RASGRF2: variants seen among roughly 807,000 people sequenced by gnomAD.
The protein encoded by RASGRF2 is Ras protein specific guanine nucleotide releasing factor 2.
A neutral mutation model predicts 151.0 loss-of-function variants in RASGRF2; 76 were observed. That is an observed-to-expected ratio of 0.50 (90% CI 0.42 to 0.61). RASGRF2 has a LOEUF of 0.61. Among genes scored for constraint, RASGRF2 ranks in the 20% least tolerant of loss-of-function variants. RASGRF2 has a pLI of 0.00. For synonymous variants in RASGRF2, 504 were observed against 566.5 expected, an observed-to-expected ratio of 0.89 and a Z score of 1.57; for missense variants, 1,148 against 1,564.6, an observed-to-expected ratio of 0.73 and a Z score of 4.49.
At chr5:80,974,501 CA>C (rs1299702233) in intron 1 of RASGRF2, among the ~76,000 whole-genome samples, 1 of 152,216 alleles carries the variant, frequency 6.6e-6, no homozygotes, top group Non-Finnish European at 1.5e-5. Flanking sequence ...GCCAGGGCCT[CA>C]TTGAGCCAGT....
chr5:81,087,556 T>C, intron 9 of RASGRF2: 3 of 580,464 alleles, frequency 5.2e-6, no homozygotes, highest in Non-Finnish European at 9.2e-6. Flanking sequence ...AAATTAAGCT[T>C]TTGAAGAGTT....
intron 17 of RASGRF2, among the ~76,000 whole-genome samples, chr5:81,177,330 G>A (rs978750789): frequency 3.3e-5 from 5 of 151,986 alleles, no homozygotes; most frequent in African/African-American, 1.2e-4. Flanking sequence ...GAATTAAAAT[G>A]TCCACTGGTG....
At chr5:81,078,988 T>C (rs996937594) in intron 5 of RASGRF2, among the ~76,000 whole-genome samples, 2 of 152,204 alleles carry the variant, frequency 1.3e-5, no homozygotes, top group African/African-American at 4.8e-5. Flanking sequence ...TCCCAGAAAC[T>C]AGAATCCTAA....
intron 1 of RASGRF2, among the ~76,000 whole-genome samples, chr5:81,016,565 T>G (rs1212437005): frequency 3.3e-5 from 5 of 152,218 alleles, no homozygotes. Context: ...TTTCCTGTTG[T>G]GGGAGAAAAC....
chr5:81,134,879 G>C (rs916360234), intron 17 of RASGRF2, among the ~76,000 whole-genome samples: 19 of 151,826 alleles, frequency 1.3e-4, no homozygotes, highest in African/African-American at 4.6e-4. Context: ...AGGTTGCCTA[G>C]AGTTCTGCAT....
intron 2 of RASGRF2, among the ~76,000 whole-genome samples, chr5:81,043,753 G>A (rs985841326): frequency 6.6e-6 from 1 of 152,054 alleles, no homozygotes; most frequent in African/African-American, 2.4e-5. Context: ...CTCATCTCTT[G>A]GGTATTTTGG....
chr5:81,032,227 G>A (rs1750281916), intron 1 of RASGRF2, among the ~76,000 whole-genome samples: 1 of 152,144 alleles, frequency 6.6e-6, no homozygotes, highest in African/African-American at 2.4e-5. Flanking sequence ...GGTACAAAGA[G>A]GAGATGGTAC....
rs772936233 is a variant in RASGRF2, at chr5:81,212,418, G to A, written c.3209G>A (p.Arg1070His). ...ATGAACTATGCTGATGTCAGCTCCC[G>A]TGCCAACGCCATCGAGAAATGGGTG... ...QIMNYADVSS[R>H]ANAIEKWVAV... The change falls in exon 23 of 27, where the codon CGT (arginine) becomes CAT (histidine). Residue 1070 changes from arginine (R) to histidine (H), a missense_variant. Physicochemically the swap from Arg to His is conservative, Grantham distance 29. This residue lies in a region of RASGRF2 where 646 missense variants were observed against 807.4 expected (regional missense o/e 0.80). Transcript: ENST00000265080. 6 of 1,613,878 alleles carry A rather than the reference G, an allele frequency of 3.7e-6. No individual in the cohort carries two copies. The highest frequency in any genetic ancestry group is 1.1e-5 in the South Asian group (1 of 91,034).
intron 17 of RASGRF2, among the ~76,000 whole-genome samples, chr5:81,133,540 G>T (rs1166612983): frequency 1.3e-5 from 2 of 152,192 alleles, no homozygotes; most frequent in Non-Finnish European, 2.9e-5. Flanking sequence ...GCACATCATT[G>T]CACTTACTAT....
chr5:81,022,363 GACCCTTTCTTT>G (rs1749858771), intron 1 of RASGRF2, among the ~76,000 whole-genome samples: 1 of 152,182 alleles, frequency 6.6e-6, no homozygotes, highest in African/African-American at 2.4e-5. Context: ...GCTCTGGATA[GACCCTTTCTTT>G]ACCTAACTGC....
intron 18 of RASGRF2, among the ~76,000 whole-genome samples, chr5:81,182,524 C>T (rs1010072817): frequency 6.6e-6 from 1 of 152,106 alleles, no homozygotes; most frequent in Non-Finnish European, 1.5e-5. Flanking sequence ...GCTTTAGTGT[C>T]CAGATTCCCT....
chr5:81,117,719 A>G (rs1457087976), intron 15 of RASGRF2, among the ~76,000 whole-genome samples: 1 of 152,166 alleles, frequency 6.6e-6, no homozygotes, highest in African/African-American at 2.4e-5. Context: ...ACTTACCTGA[A>G]TCAGATACGG....
intron 17 of RASGRF2, among the ~76,000 whole-genome samples, chr5:81,172,429 ATGTGCGTGTG>A (rs1754677315): frequency 8.7e-6 from 1 of 115,082 alleles, no homozygotes; most frequent in African/African-American, 3.6e-5. Context: ...GTCTACAAGG[ATGTGCGTGTG>A]TGTGTGTGTG....
At position 81,112,437 on chromosome 5, in the gene RASGRF2, C is replaced by T. The variant is rs188127046; in HGVS notation, c.1839-173C>T. Among the ~76,000 whole-genome samples, 1,054 of 152,172 alleles carry T rather than the reference C, an allele frequency of 6.9e-3. 8 individuals are homozygous for T. Among genetic ancestry groups the T allele is most frequent in the Non-Finnish European group, 0.011 (739 of 67,996 alleles). On this transcript the variant is annotated intron_variant, in intron 13 of 26. Transcript: ENST00000265080. ...GTGGATTTTAATATGGTGGGGGGAT[C>T]AAGGCACCAATCCCCCAAGAATACT... is the stretch of plus-strand genomic sequence containing the variant.
chr5:81,024,043 C>T (rs887480912), intron 1 of RASGRF2, among the ~76,000 whole-genome samples: 69 of 152,234 alleles, frequency 4.5e-4, no homozygotes, highest in African/African-American at 1.6e-3. Context: ...TCTGCCTGAA[C>T]TTGAGAGTTA....
At chr5:81,200,895 A>G (rs1755372842) in intron 18 of RASGRF2, among the ~76,000 whole-genome samples, 1 of 152,144 alleles carries the variant, frequency 6.6e-6, no homozygotes, top group African/African-American at 2.4e-5. Flanking sequence ...CTCTTGAGGA[A>G]CTGAAGGCAT....
intron 17 of RASGRF2, among the ~76,000 whole-genome samples, chr5:81,133,764 A>G (rs1580347465): frequency 6.6e-6 from 1 of 152,350 alleles, no homozygotes; most frequent in African/African-American, 2.4e-5. Context: ...ATGCACTTAT[A>G]GGAAAATTAA....
At chr5:81,124,756 C>T (rs1011966882) in intron 16 of RASGRF2, among the ~76,000 whole-genome samples, 3 of 152,136 alleles carry the variant, frequency 2.0e-5, no homozygotes, top group Non-Finnish European at 2.9e-5. Context: ...CCCCACTGCT[C>T]AAATAAATAT....
intron 2 of RASGRF2, among the ~76,000 whole-genome samples, chr5:81,065,240 A>G (rs1415128665): frequency 6.6e-6 from 1 of 152,236 alleles, no homozygotes; most frequent in African/African-American, 2.4e-5. Flanking sequence ...AGAGCCTGGA[A>G]GTAAAATACA....
Sources: allele counts gnomAD v4.1 joint callset (sites outside exome capture counted in the v4.1 genomes callset), GRCh38; gene constraint gnomAD v4.1.1; regional missense constraint gnomAD v4.1.1; transcripts MANE v1.5; gene names NCBI Gene and HGNC (gene_info 2026-07-23, HGNC 2026-07-21).